Variants in GPRC6A observed in about 807,000 individuals in gnomAD.
GPRC6A encodes G protein-coupled receptor class C group 6 member A.
In GPRC6A, 54 loss-of-function variants were observed where a neutral mutation model predicts 47.0. The ratio of observed to expected loss-of-function variants is 1.15; its 90% CI spans 0.92 to 1.44. GPRC6A has a LOEUF of 1.44. GPRC6A is among the 40% of genes most tolerant of loss of function. GPRC6A has a pLI of 0.00. For missense variants in GPRC6A, 1,112 were observed against 1,105.5 expected (o/e 1.01, Z -0.08); for synonymous variants, 347 against 377.1 (o/e 0.92, Z 0.93).
intron 4 of GPRC6A, among the ~76,000 whole-genome samples, chr6:116,796,694 G>A (rs536536540): frequency 1.3e-5 from 2 of 152,186 alleles, no homozygotes; most frequent in East Asian, 1.9e-4. Context: ...CAAATGATCT[G>A]TCTGAGAGAG....
chr6:116,804,795 T>C (rs1772786864), intron 3 of GPRC6A, among the ~76,000 whole-genome samples: 1 of 152,050 alleles, frequency 6.6e-6, no homozygotes, highest in Admixed American at 6.6e-5. Context: ...AGGGGGTGAA[T>C]AACTCTTGCT....
At position 116,825,525 on chromosome 6, in the gene GPRC6A, T is replaced by C. The variant is rs189426648; in HGVS notation, c.194+3295A>G. 6.5e-4 allele frequency among the ~76,000 whole-genome samples: 99 copies of C among 152,082 alleles called. 1 individual carries two copies. The East Asian group carries it at 0.018, about 27-fold the overall frequency. ...TTTAACCAAGGAGGTGAAAGATCTC[T>C]ACAAGCAAAACTATGGAACACTGAT... On this transcript the variant is annotated intron_variant, in intron 1 of 5. Coordinates refer to ENST00000310357, the MANE Select transcript of GPRC6A (RefSeq NM_148963.4).
rs201073963 is a variant in GPRC6A at position 116,793,146 on chromosome 6, A to G, written c.1777T>C (p.Leu593=). 1.1e-4 allele frequency: 173 copies of G among 1,613,800 alleles called. No homozygotes were observed. Among genetic ancestry groups the G allele is most frequent in the Non-Finnish European group, 1.4e-4 (160 of 1,179,716 alleles). ...GAGAGAATCAGGAGTAGGATGGCCA[A>G]GGAGTCATTCCAGTTGAGATATTCC... ...EVEYLNWNDS[L]AILLLILSLL... is the part of the protein sequence containing the mutation. Residue 593 remains leucine, a synonymous_variant, in exon 6 of 6, where the codon TTG becomes CTG. Transcript: ENST00000310357.
intron 1 of GPRC6A, among the ~76,000 whole-genome samples, chr6:116,813,703 G>A (rs1350623890): frequency 6.6e-6 from 1 of 152,124 alleles, no homozygotes; most frequent in African/African-American, 2.4e-5. Flanking sequence ...CATGGGCAAG[G>A]ACTTCATGAC....
intron 1 of GPRC6A, among the ~76,000 whole-genome samples, chr6:116,812,786 G>T (rs9489042): frequency 0.024 from 3,706 of 152,138 alleles, 148 homozygotes; most frequent in African/African-American, 0.085. Context: ...AGAAATAAAC[G>T]GTATTCAATT....
rs750148259 is a variant in GPRC6A at position 116,792,228 on chromosome 6, G to T, written c.2695C>A (p.Gln899Lys). The T allele has an allele frequency of 6.2e-7, 1 of 1,613,888 alleles. No homozygotes were observed. The highest frequency in any genetic ancestry group is 1.3e-5 in the African/African-American group (1 of 74,898). The change falls in exon 6 of 6, where the codon CAG becomes AAG. Residue 899 changes from glutamine (Q) to lysine (K), a missense_variant. Gln to Lys is a moderately conservative substitution (Grantham distance 53). Transcript: ENST00000310357. ...SATWQKSKDL[Q>K]AQAFAHICRE... Reference sequence around the variant, plus strand: ...CATATGTGTGCAAATGCTTGTGCCTGAAGATCTTTGCTTTTCTGCCAGGTT... The same window carrying T: ...CATATGTGTGCAAATGCTTGTGCCTTAAGATCTTTGCTTTTCTGCCAGGTT...
chr6:116,821,877 A>C (rs1272489118), intron 1 of GPRC6A, among the ~76,000 whole-genome samples: 2 of 150,650 alleles, frequency 1.3e-5, no homozygotes, highest in African/African-American at 2.5e-5. Context: ...AATTAAAGTA[A>C]AGAGCTTCTG....
intron 1 of GPRC6A, among the ~76,000 whole-genome samples, chr6:116,813,624 C>T (rs912028551): frequency 6.6e-6 from 1 of 152,174 alleles, no homozygotes; most frequent in African/African-American, 2.4e-5. Flanking sequence ...GGATTAAAGA[C>T]TTAAATGTTA....
intron 1 of GPRC6A, among the ~76,000 whole-genome samples, chr6:116,821,404 C>G (rs928548106): frequency 6.6e-6 from 1 of 152,098 alleles, no homozygotes; most frequent in Non-Finnish European, 1.5e-5. Flanking sequence ...ATCGCCAAGT[C>G]AATCCTAAGC....
intron 1 of GPRC6A, among the ~76,000 whole-genome samples, chr6:116,826,013 C>T (rs1038530134): frequency 2.0e-5 from 3 of 151,762 alleles, no homozygotes; most frequent in African/African-American, 7.3e-5. Flanking sequence ...AAACTGGACT[C>T]CTTTCCCTCA....
chr6:116,806,455 A>G lies in GPRC6A; in HGVS notation c.1250T>C (p.Leu417Pro). 1 of 1,613,574 alleles carries G rather than the reference A, an allele frequency of 6.2e-7. No homozygotes were observed. The highest frequency in any genetic ancestry group is 8.5e-7 in the Non-Finnish European group (1 of 1,179,728). Residue 417 changes from leucine (L) to proline (P), a missense_variant, in exon 3 of 6, where the codon CTT (leucine) becomes CCT (proline). Leu to Pro is a moderately conservative substitution (Grantham distance 98). Transcript: ENST00000310357. ...AEPGLIHSIQ[L>P]AVFALGYAIR... ...GGCATAACCAAGGGCAAACACTGCAAGCTGAATACTATGAATGAGTCCTGG... is the reference window on the plus strand; with the variant it reads ...GGCATAACCAAGGGCAAACACTGCAGGCTGAATACTATGAATGAGTCCTGG...
rs757214725 is a variant in GPRC6A, at chr6:116,806,644, A to G, written c.1061T>C (p.Leu354Ser). 13 of 1,613,458 alleles carry G rather than the reference A, an allele frequency of 8.1e-6. No homozygotes were observed. In the Admixed American group the frequency reaches 2.2e-4, roughly 27 times the overall value. Residue 354 changes from leucine (L) to serine (S), a missense_variant, in exon 3 of 6, where the codon TTA becomes TCA. Leu to Ser is a moderately radical substitution (Grantham distance 145). Coordinates refer to ENST00000310357, the MANE Select transcript of GPRC6A (RefSeq NM_148963.4). Reference sequence around the variant, plus strand: ...AGATAAATGCATGGCATATTCATGTAAGAGTTTGTGACTGTCACTGGGAAG... The same window carrying G: ...AGATAAATGCATGGCATATTCATGTGAGAGTTTGTGACTGTCACTGGGAAG... Reference protein sequence around the residue: ...HLLPSDSHKLLHEYAMHLSAC... With the variant: ...HLLPSDSHKLSHEYAMHLSAC...
intron 1 of GPRC6A, among the ~76,000 whole-genome samples, chr6:116,823,377 C>T (rs970120626): frequency 2.6e-5 from 4 of 152,106 alleles, no homozygotes; most frequent in African/African-American, 9.7e-5. Context: ...TAATGCATAG[C>T]AAAGATAACC....
At chr6:116,826,595 C>T (rs371593718) in intron 1 of GPRC6A, among the ~76,000 whole-genome samples, 4 of 151,934 alleles carry the variant, frequency 2.6e-5, no homozygotes, top group African/African-American at 9.7e-5. Flanking sequence ...CTCATCTACA[C>T]TATTGGAGAA....
rs1254950872 is a variant in GPRC6A, at chr6:116,793,048, T to G, written c.1875A>C (p.Lys625Asn). The G allele has an allele frequency of 3.1e-6, 5 of 1,614,016 alleles. No homozygotes were observed. Among genetic ancestry groups the G allele is most frequent in the Non-Finnish European group, 4.2e-6 (5 of 1,179,932 alleles). Reference protein sequence around the residue: ...FTRNLNTPVVKSSGGLRVCYV... With the variant: ...FTRNLNTPVVNSSGGLRVCYV... Reference sequence around the variant, plus strand: ...AGCAGACTCTTAATCCCCCGGATGATTTCACAACAGGTGTGTTCAGGTTTC... The same window carrying G: ...AGCAGACTCTTAATCCCCCGGATGAGTTCACAACAGGTGTGTTCAGGTTTC... The change falls in exon 6 of 6, where the codon AAA (lysine) becomes AAC (asparagine). Residue 625 changes from lysine to asparagine, a missense_variant. Coordinates refer to ENST00000310357, the MANE Select transcript of GPRC6A (RefSeq NM_148963.4).
intron 1 of GPRC6A, among the ~76,000 whole-genome samples, chr6:116,814,476 C>T (rs1031221485): frequency 2.0e-5 from 3 of 152,056 alleles, no homozygotes; most frequent in African/African-American, 7.2e-5. Flanking sequence ...AGCTGGAAAC[C>T]ATCCTTCTCA....
chr6:116,815,726 T>C (rs1032964325), intron 1 of GPRC6A, among the ~76,000 whole-genome samples: 9 of 152,190 alleles, frequency 5.9e-5, no homozygotes, highest in African/African-American at 1.4e-4. Context: ...TTGGAAACTA[T>C]ACAAATCAGC....
chr6:116,810,320 T>G (rs551447591), intron 1 of GPRC6A, among the ~76,000 whole-genome samples: 1 of 152,272 alleles, frequency 6.6e-6, no homozygotes, highest in Admixed American at 6.5e-5. Context: ...GGGTTTGATA[T>G]TCTAGTTTCT....
At chr6:116,819,057 C>A (rs1356781159) in intron 1 of GPRC6A, among the ~76,000 whole-genome samples, 1 of 152,094 alleles carries the variant, frequency 6.6e-6, no homozygotes, top group Non-Finnish European at 1.5e-5. Flanking sequence ...GGGTTGCAAT[C>A]CTAGTCTCTG....
Sources: gnomAD v4.1 joint callset for allele counts (sites outside exome capture counted in the v4.1 genomes callset) on GRCh38, gnomAD v4.1.1 for gene constraint, MANE v1.5 for transcripts, NCBI Gene and HGNC (gene_info 2026-07-23, HGNC 2026-07-21) for gene names.